Variants in MYO15A observed in about 807,000 individuals in gnomAD.
The protein encoded by MYO15A is unconventional myosin-XV.
In MYO15A, 308 loss-of-function variants were observed where a neutral mutation model predicts 394.6. That is an observed-to-expected ratio of 0.78 (90% CI 0.71 to 0.86). The LOEUF is 0.86. Ranked by LOEUF, MYO15A falls within the 40% of genes least tolerant of loss-of-function variation. MYO15A has a pLI of 0.00. For missense variants in MYO15A, 4,606 were observed against 4,799.1 expected (o/e 0.96, Z 1.19); for synonymous variants, 1,957 against 2,003.8 (o/e 0.98, Z 0.62).
chr17:18,158,255 G>A lies in MYO15A; in HGVS notation c.8968-268G>A, dbSNP rs374806158. The A allele has an allele frequency of 1.1e-3, 629 of 590,632 alleles. 4 individuals are homozygous for A. Among genetic ancestry groups the A allele is most frequent in the African/African-American group, 0.01 (547 of 53,666 alleles). 36.6% of individuals were successfully genotyped at this position (590,632 alleles called of 1,614,324 possible). ...GGCTTGTGGAGCTAGCGAGGGGCGG[G>A]GTCAGCTGTGACGTGGCAGTTGCGG... On this transcript the variant is annotated intron_variant, in intron 51 of 65. Coordinates refer to ENST00000647165, the MANE Select transcript of MYO15A (RefSeq NM_016239.4).
Position 18,148,440 on chromosome 17 carries a change from A to G in MYO15A, c.6692-56A>G. ...GAAAGGAAGAAGCAAGCAGGGAGGC[A>G]CAGCCAAACTGGACTCAGATGCTCC... On this transcript the variant is annotated intron_variant, in intron 31 of 65. Transcript: ENST00000647165. This position sits in a 1 kb window ranked among gnomAD's most constrained non-coding sequence, Gnocchi z 4.8. 1 of 1,545,094 alleles carries G rather than the reference A, an allele frequency of 6.5e-7. No homozygotes were observed. The highest frequency in any genetic ancestry group is 8.8e-7 in the Non-Finnish European group (1 of 1,142,064).
intron 18 of MYO15A, 107 bp from the exon 19 acceptor site, chr17:18,139,427 G>T: frequency 3.9e-6 from 5 of 1,288,112 alleles, no homozygotes; most frequent in Non-Finnish European, 5.5e-6. Context: ...GGAGAATGGT[G>T]GGGGCTGGAG....
intron 16 of MYO15A, chr17:18,137,902 C>G (rs1466588772): frequency 1.2e-6 from 1 of 840,882 alleles, no homozygotes; most frequent in African/African-American, 1.7e-5. Context: ...GGTGGGGGTC[C>G]TTCTTCTCCT....
Position 18,148,108 on chromosome 17 carries a change from C to G in MYO15A, c.6589C>G (p.Gln2197Glu). 1 of 1,613,952 alleles carries G rather than the reference C, an allele frequency of 6.2e-7. No homozygotes were observed. The highest frequency in any genetic ancestry group is 8.5e-7 in the Non-Finnish European group (1 of 1,180,054). Residue 2197 changes from glutamine to glutamate, a missense_variant, in exon 31 of 66, where the codon CAG becomes GAG. By Grantham distance (29) the Gln-to-Glu change is conservative. This residue lies in a region of MYO15A where 2,776 missense variants were observed against 3,109.3 expected (regional missense o/e 0.89). Coordinates refer to ENST00000647165, the MANE Select transcript of MYO15A (RefSeq NM_016239.4). This position sits in a 1 kb window ranked among gnomAD's most constrained non-coding sequence, Gnocchi z 4.8. ...RLMQAMGRAQ[Q>E]QGSGAARTLP... ...CATGCAGGCCATGGGCCGGGCCCAA[C>G]AGCAGGGCTCGGGGGCTGCCCGCAC...
In MYO15A at chr17:18,153,676, G is replaced by A; in HGVS notation, c.7967-99G>A. 8.2e-7 allele frequency: 1 copy of A among 1,214,488 alleles called. No individual in the cohort carries two copies. Among genetic ancestry groups the A allele is most frequent in the Non-Finnish European group, 1.1e-6 (1 of 945,866 alleles). 75.2% of individuals were successfully genotyped at this position (1,214,488 alleles called of 1,614,324 possible). A position where few individuals can be genotyped will look rare whatever the true frequency, so the allele number is the denominator to read the frequency against. On this transcript the variant is annotated intron_variant, in intron 42 of 65. Coordinates refer to ENST00000647165, the MANE Select transcript of MYO15A (RefSeq NM_016239.4). This position sits in a 1 kb window ranked among gnomAD's most constrained non-coding sequence, Gnocchi z 4.1. ...TTGCGCCACTGCACTCTAGCCTGGG[G>A]GACAACAGCGAAACTCCGTCTCAAA...
rs113177832 is a variant in MYO15A at position 18,154,577 on chromosome 17, A to G, written c.8149-103A>G. 4.0e-6 allele frequency: 5 copies of G among 1,236,424 alleles called. No homozygotes were observed. In the Admixed American group the frequency reaches 8.4e-5, roughly 21 times the overall value. 76.6% of individuals were successfully genotyped at this position (1,236,424 alleles called of 1,614,324 possible). A position where few individuals can be genotyped will look rare whatever the true frequency, so the allele number is the denominator to read the frequency against. ...GCTTACAGATGACCCCACTGCTGCAAAATGGGACCCCTCCCACATTGCCAC... is the reference window on the plus strand; with the variant it reads ...GCTTACAGATGACCCCACTGCTGCAGAATGGGACCCCTCCCACATTGCCAC... On this transcript the variant is annotated intron_variant, in intron 44 of 65. Coordinates refer to ENST00000647165, the MANE Select transcript of MYO15A (RefSeq NM_016239.4).
chr17:18,126,563 G>A, intron 5 of MYO15A, 107 bp downstream of exon 5: 4 of 1,175,436 alleles, frequency 3.4e-6, no homozygotes, highest in Non-Finnish European at 4.9e-6. Context: ...AGGTAATGGG[G>A]AAAGGCAGCC....
Position 18,118,759 on chromosome 17 carries a change from C to A in MYO15A, c.-42C>A. On this transcript the variant is annotated 5_prime_UTR_variant, in exon 2 of 66. Coordinates refer to ENST00000647165, the MANE Select transcript of MYO15A (RefSeq NM_016239.4). ...CCCTGTGTCTCCAAGTCCCTGAGCC[C>A]GTGACACCGGCCCCAGGCCCTGTAG... is the stretch of plus-strand genomic sequence containing the variant. 1.2e-6 allele frequency: 2 copies of A among 1,607,320 alleles called. No homozygotes were observed. The highest frequency in any genetic ancestry group is 2.2e-5 in the South Asian group (2 of 89,862).
chr17:18,167,342 C>G (rs1386838076), intron 61 of MYO15A, among the ~76,000 whole-genome samples: 1 of 152,246 alleles, frequency 6.6e-6, no homozygotes, highest in Admixed American at 6.5e-5. Flanking sequence ...TCTGCTCTCA[C>G]CAGCCAGCCC....
Position 18,121,222 on chromosome 17 carries a change from C to T in MYO15A, c.2422C>T (p.Pro808Ser), listed in dbSNP as rs763276546. 53 of 1,492,482 alleles carry T rather than the reference C, an allele frequency of 3.6e-5. No homozygotes were observed. The highest frequency in any genetic ancestry group is 7.5e-5 in the South Asian group (6 of 80,460). The allele number at this position is 1,492,482 out of a possible 1,614,324, so 92.5% of individuals were successfully genotyped here. The change falls in exon 2 of 66, where the codon CCG becomes TCG. Residue 808 changes from proline (P) to serine (S), a missense_variant. Transcript: ENST00000647165. This position sits in a 1 kb window ranked among gnomAD's most constrained non-coding sequence, Gnocchi z 5.3. ...QLSLRTGPFQPPFLPPARRPR... is the reference protein window; with the variant it reads ...QLSLRTGPFQSPFLPPARRPR... Reference sequence around the variant, plus strand: ...GTCCTTGCGCACGGGCCCCTTCCAGCCGCCCTTCCTGCCCCCGGCCCGCCG... The same window carrying T: ...GTCCTTGCGCACGGGCCCCTTCCAGTCGCCCTTCCTGCCCCCGGCCCGCCG...
Position 18,144,496 on chromosome 17 carries a change from G to A in MYO15A, c.6178-1G>A, listed in dbSNP as rs886044338. 1 of 1,613,182 alleles carries A rather than the reference G, an allele frequency of 6.2e-7. No individual in the cohort carries two copies. The highest frequency in any genetic ancestry group is 8.5e-7 in the Non-Finnish European group (1 of 1,179,982). ...GCTCATGTGCCTGCCCTGTGTCTTA[G>A]GAACCTGCCTTTGGGATGCTGACAG... On this transcript the variant is annotated splice_acceptor_variant, in intron 28 of 65. Transcript: ENST00000647165. LOFTEE classifies it high-confidence loss of function.
rs1276009999 is a variant in MYO15A, at chr17:18,118,735, C to T, written c.-66C>T. The T allele has an allele frequency of 1.2e-6, 2 of 1,604,510 alleles. No individual in the cohort carries two copies. Among genetic ancestry groups the T allele is most frequent in the African/African-American group, 2.7e-5 (2 of 74,660 alleles). ...CCGCGGGCAAGAGACAGAGCAGGTCCCTGTGTCTCCAAGTCCCTGAGCCCG... is the reference window on the plus strand; with the variant it reads ...CCGCGGGCAAGAGACAGAGCAGGTCTCTGTGTCTCCAAGTCCCTGAGCCCG... On this transcript the variant is annotated 5_prime_UTR_variant, in exon 2 of 66. Coordinates refer to ENST00000647165, the MANE Select transcript of MYO15A (RefSeq NM_016239.4).
rs1246874281 is a variant in MYO15A, at chr17:18,141,650, C to G, written c.5532-3C>G. On this transcript the variant is annotated splice_region_variant and splice_polypyrimidine_tract_variant and intron_variant, in intron 22 of 65. Transcript: ENST00000647165. ...CCCAGACTAACTTTGGGCCCCCTAC[C>G]AGGTACTGCTGTCTAGTGGCCCTCA... is the stretch of plus-strand genomic sequence containing the variant. The G allele has an allele frequency of 6.2e-7, 1 of 1,613,790 alleles. No individual in the cohort carries two copies. The highest frequency in any genetic ancestry group is 1.3e-5 in the African/African-American group (1 of 75,038).
rs370530786 is a variant in MYO15A at position 18,126,334 on chromosome 17, G to A, written c.3757-13G>A. The A allele has an allele frequency of 4.3e-5, 69 of 1,611,608 alleles. No homozygotes were observed. Among genetic ancestry groups the A allele is most frequent in the African/African-American group, 2.8e-4 (21 of 75,004 alleles). ...AAGGAGCCACGACGCTGAGGCCACC[G>A]TCTGCCCAGCAGACATACATTGGGA... is the stretch of plus-strand genomic sequence containing the variant. On this transcript the variant is annotated splice_polypyrimidine_tract_variant and intron_variant, in intron 4 of 65. Coordinates refer to ENST00000647165, the MANE Select transcript of MYO15A (RefSeq NM_016239.4).
At chr17:18,159,486 T>C (rs571550649) in intron 54 of MYO15A, 120 bp from the exon 55 acceptor site, 27 of 1,478,850 alleles carry the variant, frequency 1.8e-5, no homozygotes, top group Admixed American at 7.1e-5. Context: ...TTTAAGAGAA[T>C]AGAAGCTCCC....
In MYO15A at chr17:18,145,916, G is replaced by A; in HGVS notation, c.6318G>A (p.Glu2106=). 1 of 1,613,596 alleles carries A rather than the reference G, an allele frequency of 6.2e-7. No homozygotes were observed. The highest frequency in any genetic ancestry group is 8.5e-7 in the Non-Finnish European group (1 of 1,180,022). ...MGDPHLHGAR[E]NIFGNYIVQK... ...ACCCCCACCTGCATGGTGCCCGGGA[G>A]AACATCTTCGGGAACTACATCGTGC... Residue 2106 remains glutamate (E), a synonymous_variant, in exon 30 of 66, where the codon GAG becomes GAA. Transcript: ENST00000647165.
In MYO15A at chr17:18,149,389, T is replaced by C. The variant is rs766812780; in HGVS notation, c.7117+13T>C. 24 of 1,606,948 alleles carry C rather than the reference T, an allele frequency of 1.5e-5. No homozygotes were observed. The African/African-American group carries it at 2.8e-4, about 19-fold the overall frequency. On this transcript the variant is annotated intron_variant, in intron 34 of 65. Transcript: ENST00000647165. ...GCAACCCACCAAGGTCAACCAACAA[T>C]GGCTGCTGTCTCTGGTGGGGAGGGA... is the stretch of plus-strand genomic sequence containing the variant.
rs1050453318 is a variant in MYO15A, at chr17:18,126,416, G to T, written c.3826G>T (p.Val1276Leu). The stretch of plus-strand genomic sequence containing the variant: ...GTTTGGAATCTATGGGCCGGAGCAG[G>T]TGCAGCAGTACAACGGACGGGCCCT... ...QMFGIYGPEQ[V>L]QQYNGRALGE... The change falls in exon 5 of 66, where the codon GTG (valine) becomes TTG (leucine). Residue 1276 changes from valine to leucine, a missense_variant. Val to Leu is a conservative substitution (Grantham distance 32). Around this residue, in one of 2 missense-constraint regions of MYO15A, gnomAD observed 2,776 missense variants for 3,109.3 expected, o/e 0.89. Transcript: ENST00000647165. The T allele has an allele frequency of 1.2e-6, 2 of 1,614,016 alleles. No individual in the cohort carries two copies.
chr17:18,173,302 C>T lies in MYO15A; in HGVS notation c.10351-479C>T, dbSNP rs75762289. Among the ~76,000 whole-genome samples the T allele has an allele frequency of 8.3e-3, 1,260 of 152,214 alleles. 14 individuals are homozygous for T. Among genetic ancestry groups the T allele is most frequent in the African/African-American group, 0.021 (870 of 41,536 alleles). On this transcript the variant is annotated intron_variant, in intron 64 of 65. Transcript: ENST00000647165. ...TGCTTCCTGGGCCAGAAAACAAGCC[C>T]CTAGACAGGCTAGGTACTTGACTCA...
Sources: allele counts gnomAD v4.1 joint callset (sites outside exome capture counted in the v4.1 genomes callset), GRCh38; gene constraint gnomAD v4.1.1; regional missense constraint gnomAD v4.1.1; non-coding constraint Gnocchi (gnomAD v3.1); transcripts MANE v1.5; gene names NCBI Gene and HGNC (gene_info 2026-07-23, HGNC 2026-07-21).